The following SWT1 variants were observed in gnomAD, a reference collection of about 807,000 sequenced individuals.
SWT1 encodes SWT1 RNA endoribonuclease homolog.
SWT1 carries 33 observed loss-of-function variants against 107.3 expected under a neutral mutation model. The ratio of observed to expected loss-of-function variants is 0.31; its 90% CI spans 0.23 to 0.41. The LOEUF is 0.41. Ranked by LOEUF, SWT1 falls within the 10% of genes least tolerant of loss-of-function variation. SWT1 has a pLI of 1.00. For missense variants in SWT1, 898 were observed against 1,028.9 expected (o/e 0.87, Z 1.74); for synonymous variants, 345 against 348.3 (o/e 0.99, Z 0.11).
chr1:185,187,773 C>T (rs374803756), intron 9 of SWT1, among the ~76,000 whole-genome samples: 1 of 152,154 alleles, frequency 6.6e-6, no homozygotes, highest in East Asian at 1.9e-4. Context: ...CAATCTCCGC[C>T]TCCCGGCCTC....
chr1:185,262,987 A>C (rs1663132770), intron 16 of SWT1, among the ~76,000 whole-genome samples: 1 of 151,754 alleles, frequency 6.6e-6, no homozygotes, highest in African/African-American at 2.4e-5. Context: ...GGGTTTCACC[A>C]TGTTGCCCAG....
At position 185,184,909 on chromosome 1, in the gene SWT1, A is replaced by T. The variant is rs750290932; in HGVS notation, c.1407A>T (p.Ile469=). Reference sequence around the variant, plus strand: ...ATAGAAAGCTATGGGGTCAGTCAATACAACTTGCATCCCAAAAACATTGTA... The same window carrying T: ...ATAGAAAGCTATGGGGTCAGTCAATTCAACTTGCATCCCAAAAACATTGTA... ...NQDRKLWGQS[I]QLASQKHYGL... The change falls in exon 9 of 19, where the codon ATA becomes ATT. Residue 469 remains isoleucine, a synonymous_variant. Coordinates refer to ENST00000367500, the MANE Select transcript of SWT1 (RefSeq NM_017673.7). 1 of 1,482,958 alleles carries T rather than the reference A, an allele frequency of 6.7e-7. No individual in the cohort carries two copies. Among genetic ancestry groups the T allele is most frequent in the East Asian group, 2.5e-5 (1 of 40,090 alleles). 91.9% of individuals were successfully genotyped at this position (1,482,958 alleles called of 1,614,324 possible).
At chr1:185,290,263 G>GT (rs1665173595) in intron 18 of SWT1, among the ~76,000 whole-genome samples, 2 of 151,992 alleles carry the variant, frequency 1.3e-5, no homozygotes, top group Admixed American at 1.3e-4. Flanking sequence ...GACAACAGGA[G>GT]TGAGACCCTG....
At chr1:185,222,059 T>G (rs764805689) in intron 15 of SWT1, 23 bp downstream of exon 15, 2 of 1,410,912 alleles carry the variant, frequency 1.4e-6, no homozygotes, top group Admixed American at 2.6e-5. Flanking sequence ...GGGGAATTTT[T>G]TTTTAGTTAT....
Position 185,280,699 on chromosome 1 carries a change from C to G in SWT1, c.2573+4031C>G, listed in dbSNP as rs193168973. The G allele has an allele frequency of 1.4e-4, 35 of 250,930 alleles. No individual in the cohort carries two copies. In the East Asian group the frequency reaches 4.0e-3, roughly 28 times the overall value. The allele number at this position is 250,930 out of a possible 1,614,324, so 15.5% of individuals were successfully genotyped here. On this transcript the variant is annotated intron_variant, in intron 18 of 18. Coordinates refer to ENST00000367500, the MANE Select transcript of SWT1 (RefSeq NM_017673.7). ...AATCCATCATGCCTACAGGATGAAG[C>G]CTCCTCCATAAAAATCCCTGAACTG...
At chr1:185,182,357 G>T (rs1009796965) in intron 7 of SWT1, among the ~76,000 whole-genome samples, 4 of 152,134 alleles carry the variant, frequency 2.6e-5, no homozygotes, top group Admixed American at 6.5e-5. Flanking sequence ...TTTCAATGAT[G>T]TAAAGCACTG....
chr1:185,281,646 T>A (rs1044727916), intron 18 of SWT1: 1 of 183,890 alleles, frequency 5.4e-6, no homozygotes, highest in Non-Finnish European at 1.2e-5. Flanking sequence ...TTGGCCTTGC[T>A]GATCTGTTTT....
intron 14 of SWT1, among the ~76,000 whole-genome samples, chr1:185,215,427 G>C (rs932816380): frequency 1.3e-5 from 2 of 152,064 alleles, no homozygotes; most frequent in African/African-American, 4.8e-5. Flanking sequence ...AGTTATCTGT[G>C]AACCTTATCC....
rs563115457 is a variant in SWT1 at position 185,168,105 on chromosome 1, C to T, written c.166-235C>T. ...GGATGGTAGCGTAGAGAGAGTCAGA[C>T]AGATCTATTTACAGATGACAGATGA... is the stretch of plus-strand genomic sequence containing the variant. On this transcript the variant is annotated intron_variant, in intron 3 of 18. Coordinates refer to ENST00000367500, the MANE Select transcript of SWT1 (RefSeq NM_017673.7). 6.6e-5 allele frequency among the ~76,000 whole-genome samples: 10 copies of T among 152,262 alleles called. No homozygotes were observed. The South Asian group carries it at 2.1e-3, about 32-fold the overall frequency.
At chr1:185,216,520 T>G (rs1659226503) in intron 14 of SWT1, among the ~76,000 whole-genome samples, 1 of 152,158 alleles carries the variant, frequency 6.6e-6, no homozygotes, top group South Asian at 2.1e-4. Context: ...ATAAAAACAA[T>G]AATGTGTAGT....
At chr1:185,170,599 C>T (rs1176263874) in intron 4 of SWT1, among the ~76,000 whole-genome samples, 2 of 152,168 alleles carry the variant, frequency 1.3e-5, no homozygotes, top group Non-Finnish European at 2.9e-5. Context: ...AAGCTCTATT[C>T]CTCTAGCTCC....
intron 16 of SWT1, among the ~76,000 whole-genome samples, chr1:185,233,810 C>T (rs1571574722): frequency 6.6e-6 from 1 of 152,156 alleles, no homozygotes. Context: ...GTAGCGCAAT[C>T]TCAGCTCACT....
intron 16 of SWT1, among the ~76,000 whole-genome samples, chr1:185,249,996 G>C (rs796076063): frequency 4.2e-4 from 64 of 152,266 alleles, no homozygotes; most frequent in African/African-American, 1.5e-3. Flanking sequence ...CTGTAAAGCT[G>C]TTTGTTTTCT....
chr1:185,199,800 G>C (rs1279688922), intron 10 of SWT1, among the ~76,000 whole-genome samples: 1 of 152,192 alleles, frequency 6.6e-6, no homozygotes, highest in Non-Finnish European at 1.5e-5. Flanking sequence ...TGTCCTGCTA[G>C]GTTGGGGAAG....
intron 14 of SWT1, among the ~76,000 whole-genome samples, chr1:185,215,789 C>G (rs1391184743): frequency 6.6e-6 from 1 of 152,150 alleles, no homozygotes; most frequent in Non-Finnish European, 1.5e-5. Context: ...ATCCTCCTGC[C>G]TCAGCCTCCC....
chr1:185,163,259 C>T (rs1268192641), intron 2 of SWT1, among the ~76,000 whole-genome samples: 1 of 152,076 alleles, frequency 6.6e-6, no homozygotes, highest in African/African-American at 2.4e-5. Flanking sequence ...TCTCTCAAAC[C>T]CTATGTAATA....
chr1:185,251,794 A>T (rs1366571715), intron 16 of SWT1, among the ~76,000 whole-genome samples: 1 of 150,522 alleles, frequency 6.6e-6, no homozygotes, highest in African/African-American at 2.4e-5. Context: ...TTATATATAT[A>T]TATATTTTTT....
At chr1:185,182,335 T>C (rs1055749455) in intron 7 of SWT1, among the ~76,000 whole-genome samples, 2 of 152,334 alleles carry the variant, frequency 1.3e-5, no homozygotes, top group South Asian at 2.1e-4. Context: ...CTTGCTGTTA[T>C]AACTTTAACA....
At chr1:185,184,680 G>A in intron 8 of SWT1, 63 bp from the exon 9 acceptor site, 3 of 1,307,982 alleles carry the variant, frequency 2.3e-6, no homozygotes, top group Non-Finnish European at 3.2e-6. Flanking sequence ...CTCTTGGACA[G>A]CAATTCCATT....
Sources: allele counts gnomAD v4.1 joint callset (sites outside exome capture counted in the v4.1 genomes callset), GRCh38; gene constraint gnomAD v4.1.1; transcripts MANE v1.5; gene names NCBI Gene and HGNC (gene_info 2026-07-23, HGNC 2026-07-21).